CMTM7: variants seen among roughly 807,000 people sequenced by gnomAD.
CMTM7 encodes the protein CKLF-like MARVEL transmembrane domain-containing protein 7.
CMTM7 carries 7 observed loss-of-function variants against 19.3 expected under a neutral mutation model. The observed-to-expected ratio is 0.36, with a 90% CI of 0.21 to 0.68. The LOEUF (loss-of-function observed/expected upper bound fraction) is 0.68, where lower values mean the gene tolerates loss of function less well. CMTM7 is among the 30% of genes least tolerant of loss of function. The pLI, the probability that CMTM7 is intolerant of heterozygous loss-of-function variation, is 0.60. For synonymous variants in CMTM7, 87 were observed against 99.3 expected (o/e 0.88, Z 0.74); for missense variants, 193 against 232.6 (o/e 0.83, Z 1.11).
At chr3:32,434,017 A>G (rs573599290) in intron 1 of CMTM7, among the ~76,000 whole-genome samples, 1 of 151,876 alleles carries the variant, frequency 6.6e-6, no homozygotes, top group Non-Finnish European at 1.5e-5. Flanking sequence ...GTGAAATCCT[A>G]TCTCTACTAA....
At chr3:32,410,447 C>T (rs946978806) in intron 1 of CMTM7, among the ~76,000 whole-genome samples, 4 of 152,244 alleles carry the variant, frequency 2.6e-5, no homozygotes, top group Non-Finnish European at 5.9e-5. Flanking sequence ...GGATGAAGTG[C>T]TTGAGAGACT....
intron 4 of CMTM7, 22 bp from the exon 5 acceptor site, chr3:32,454,219 T>C (rs776010180): frequency 1.9e-6 from 3 of 1,589,930 alleles, no homozygotes; most frequent in Non-Finnish European, 2.6e-6. Flanking sequence ...CAAGCTGTCC[T>C]GACTGCCATT....
At chr3:32,445,213 T>G (rs1696736186) in intron 2 of CMTM7, among the ~76,000 whole-genome samples, 1 of 152,234 alleles carries the variant, frequency 6.6e-6, no homozygotes, top group African/African-American at 2.4e-5. Flanking sequence ...TGTCTTGCCT[T>G]ATTGCAAGAA....
At chr3:32,439,005 A>G (rs767182624) in intron 1 of CMTM7, among the ~76,000 whole-genome samples, 1 of 152,170 alleles carries the variant, frequency 6.6e-6, no homozygotes, top group Non-Finnish European at 1.5e-5. Flanking sequence ...GAATAATGAT[A>G]CTTGAGTTCT....
At chr3:32,433,127 C>A (rs976286933) in intron 1 of CMTM7, among the ~76,000 whole-genome samples, 9 of 152,190 alleles carry the variant, frequency 5.9e-5, no homozygotes, top group Non-Finnish European at 1.2e-4. Flanking sequence ...TTGTTGCAAA[C>A]CAAAATTTGT....
At chr3:32,420,459 G>A (rs959050413) in intron 1 of CMTM7, among the ~76,000 whole-genome samples, 1 of 152,210 alleles carries the variant, frequency 6.6e-6, no homozygotes, top group Non-Finnish European at 1.5e-5. Flanking sequence ...GGAGGTCTTT[G>A]TTTTCACTTG....
At chr3:32,441,128 T>G (rs189095755) in intron 1 of CMTM7, among the ~76,000 whole-genome samples, 22 of 152,322 alleles carry the variant, frequency 1.4e-4, no homozygotes, top group African/African-American at 5.3e-4. Context: ...TGATCAGAGC[T>G]TACACTTTTG....
intron 1 of CMTM7, among the ~76,000 whole-genome samples, chr3:32,408,532 A>C (rs187976568): frequency 2.6e-5 from 4 of 151,280 alleles, no homozygotes; most frequent in African/African-American, 7.2e-5. Context: ...GCAGTCCTTG[A>C]ATTTCTGCTG....
At chr3:32,452,603 T>G in intron 4 of CMTM7, 130 bp downstream of exon 4, 1 of 889,764 alleles carries the variant, frequency 1.1e-6, no homozygotes, top group Non-Finnish European at 1.8e-6. Context: ...GAAGTAGTAT[T>G]AGAGCACAGG....
chr3:32,428,863 G>A (rs1421736010), intron 1 of CMTM7, among the ~76,000 whole-genome samples: 1 of 152,192 alleles, frequency 6.6e-6, no homozygotes, highest in Non-Finnish European at 1.5e-5. Flanking sequence ...GAAAGCCGCA[G>A]ATAACAGCTG....
At chr3:32,452,642 G>C (rs2125645457) in intron 4 of CMTM7, among the ~76,000 whole-genome samples, 169 bp downstream of exon 4, 1 of 152,258 alleles carries the variant, frequency 6.6e-6, no homozygotes, top group South Asian at 2.1e-4. Context: ...TGTGACCCCA[G>C]AATCTCCCCT....
At chr3:32,439,521 A>C (rs1696645605) in intron 1 of CMTM7, among the ~76,000 whole-genome samples, 1 of 152,168 alleles carries the variant, frequency 6.6e-6, no homozygotes, top group South Asian at 2.1e-4. Context: ...TGACGTGATA[A>C]TAGCTCACTG....
At chr3:32,435,070 C>T (rs72858811) in intron 1 of CMTM7, among the ~76,000 whole-genome samples, 18,488 of 152,154 alleles carry the variant, frequency 0.12, 1,239 homozygotes, top group African/African-American at 0.18. Flanking sequence ...CGTGCATATG[C>T]TTTCACTCAG....
chr3:32,406,370 G>T (rs1696091267), intron 1 of CMTM7, among the ~76,000 whole-genome samples: 1 of 152,208 alleles, frequency 6.6e-6, no homozygotes, highest in South Asian at 2.1e-4. Context: ...ACTCCTGGAA[G>T]TAGAGGACCT....
intron 1 of CMTM7, among the ~76,000 whole-genome samples, chr3:32,412,612 T>TA (rs1696195415): frequency 6.6e-6 from 1 of 151,574 alleles, no homozygotes; most frequent in Non-Finnish European, 1.5e-5. Flanking sequence ...GACCTAGCGT[T>TA]TTTTTTTAAG....
intron 1 of CMTM7, among the ~76,000 whole-genome samples, chr3:32,403,753 G>A (rs1028215138): frequency 1.3e-5 from 2 of 152,104 alleles, no homozygotes; most frequent in African/African-American, 4.8e-5. Context: ...CACTGAAAAT[G>A]ATGTTGTGAT....
At position 32,454,336 on chromosome 3, in the gene CMTM7, C is replaced by A; in HGVS notation, c.*82C>A. ...CAGGCGAGGCCTCTGGACCTGTGTT[C>A]CTGTGCCAAAGTCCTGTCAGGCTGG... On this transcript the variant is annotated 3_prime_UTR_variant, in exon 5 of 5. Coordinates refer to ENST00000334983, the MANE Select transcript of CMTM7 (RefSeq NM_138410.4). 1 of 1,565,484 alleles carries A rather than the reference C, an allele frequency of 6.4e-7. No homozygotes were observed. The highest frequency in any genetic ancestry group is 8.8e-7 in the Non-Finnish European group (1 of 1,137,716).
intron 2 of CMTM7, among the ~76,000 whole-genome samples, chr3:32,444,016 C>T (rs1696717647): frequency 6.6e-6 from 1 of 152,078 alleles, no homozygotes; most frequent in African/African-American, 2.4e-5. Flanking sequence ...TGATGTTTTT[C>T]ACTTTTTTGA....
chr3:32,402,780 G>T (rs1280191379), intron 1 of CMTM7, among the ~76,000 whole-genome samples: 1 of 151,804 alleles, frequency 6.6e-6, no homozygotes, highest in Non-Finnish European at 1.5e-5. Flanking sequence ...GGCCAGGCTG[G>T]TATCGAACTC....
Sources: allele counts gnomAD v4.1 joint callset (sites outside exome capture counted in the v4.1 genomes callset), GRCh38; gene constraint gnomAD v4.1.1; transcripts MANE v1.5; gene names NCBI Gene and HGNC (gene_info 2026-07-23, HGNC 2026-07-21).